Variants in POGLUT1 observed in about 807,000 individuals in gnomAD.
POGLUT1 encodes protein O-glucosyltransferase 1, also known as 9630046K23Rik.
A neutral mutation model predicts 61.3 loss-of-function variants in POGLUT1; 32 were observed. That is an observed-to-expected ratio of 0.52 (90% CI 0.39 to 0.70). The LOEUF (loss-of-function observed/expected upper bound fraction) is 0.70, where lower values mean the gene tolerates loss of function less well. POGLUT1 is among the 30% of genes least tolerant of loss of function. The pLI is 0.00. For missense variants in POGLUT1, 411 were observed against 469.8 expected (o/e 0.87, Z 1.16); for synonymous variants, 158 against 158.2 (o/e 1.00, Z 0.01).
intron 5 of POGLUT1, among the ~76,000 whole-genome samples, chr3:119,483,447 G>GC (rs1011947976): frequency 1.5e-4 from 23 of 152,186 alleles, no homozygotes; most frequent in African/African-American, 5.5e-4. Flanking sequence ...ATGACTCTGT[G>GC]CAAGTTGCTT....
chr3:119,485,090 G>A (rs572458588), intron 5 of POGLUT1, among the ~76,000 whole-genome samples: 23 of 152,180 alleles, frequency 1.5e-4, no homozygotes, highest in Admixed American at 3.9e-4. Flanking sequence ...GGTGGCGGGC[G>A]CCTGTGGTCC....
At chr3:119,490,195 A>G (rs1052105870) in intron 8 of POGLUT1, 2 of 190,674 alleles carry the variant, frequency 1.0e-5, no homozygotes, top group Non-Finnish European at 2.2e-5. Flanking sequence ...TATGTTTACC[A>G]TTGAACATTT....
At chr3:119,483,097 T>TTAGATAGTTTGA (rs770772453) in intron 5 of POGLUT1, among the ~76,000 whole-genome samples, 4 of 152,222 alleles carry the variant, frequency 2.6e-5, no homozygotes, top group Non-Finnish European at 5.9e-5. Flanking sequence ...ACATGTTTTG[T>TTAGATAGTTTGA]TAGATAGTTT....
At chr3:119,490,923 C>T (rs2081736737) in intron 9 of POGLUT1, among the ~76,000 whole-genome samples, 1 of 152,034 alleles carries the variant, frequency 6.6e-6, no homozygotes, top group Non-Finnish European at 1.5e-5. Flanking sequence ...TGAAAAAGCG[C>T]TTTAATACTG....
intron 3 of POGLUT1, among the ~76,000 whole-genome samples, chr3:119,476,284 A>G (rs1346873573): frequency 2.0e-5 from 3 of 152,194 alleles, no homozygotes; most frequent in African/African-American, 7.2e-5. Flanking sequence ...ACCCTTACCA[A>G]CACTGCACTA....
At chr3:119,476,602 T>C (rs1052621438) in intron 3 of POGLUT1, among the ~76,000 whole-genome samples, 1 of 152,182 alleles carries the variant, frequency 6.6e-6, no homozygotes, top group Non-Finnish European at 1.5e-5. Context: ...AAAATTTTGA[T>C]CAAGCCTTTG....
intron 6 of POGLUT1, 102 bp from the exon 7 acceptor site, chr3:119,486,731 C>A: frequency 1.3e-6 from 1 of 798,092 alleles, no homozygotes; most frequent in Non-Finnish European, 2.2e-6. Context: ...TCCACTTGTG[C>A]AGAGTCATTG....
chr3:119,470,797 T>C (rs77203260), intron 2 of POGLUT1, among the ~76,000 whole-genome samples: 2,224 of 152,350 alleles, frequency 0.015, 58 homozygotes, highest in African/African-American at 0.052. Flanking sequence ...TGGATGCTTA[T>C]GATACTTATT....
At chr3:119,492,095 T>C (rs1260989100) in intron 10 of POGLUT1, among the ~76,000 whole-genome samples, 187 bp from the exon 11 acceptor site, 1 of 142,852 alleles carries the variant, frequency 7.0e-6, no homozygotes, top group Non-Finnish European at 1.5e-5. Flanking sequence ...GGAAAAAGAT[T>C]GTTAAGTTGT....
At position 119,480,167 on chromosome 3, in the gene POGLUT1, G is replaced by C; in HGVS notation, c.573G>C (p.Leu191=). ...LGRWDLFRED[L]VRSAAQWPWK... Reference sequence around the variant, plus strand: ...GGTGGGACCTCTTCAGAGAAGATCTGGTAAGGTAGGTCCTTTAAAGAGGTT... The same window carrying C: ...GGTGGGACCTCTTCAGAGAAGATCTCGTAAGGTAGGTCCTTTAAAGAGGTT... The change falls in exon 5 of 11, where the codon CTG becomes CTC. Residue 191 remains leucine, a synonymous_variant. Coordinates refer to ENST00000295588, the MANE Select transcript of POGLUT1 (RefSeq NM_152305.3). 1 of 1,569,576 alleles carries C rather than the reference G, an allele frequency of 6.4e-7. No individual in the cohort carries two copies.
Position 119,492,552 on chromosome 3 carries a change from T to G in POGLUT1, c.*114T>G. 1.7e-6 allele frequency: 1 copy of G among 596,690 alleles called. No individual in the cohort carries two copies. Among genetic ancestry groups the G allele is most frequent in the Non-Finnish European group, 2.8e-6 (1 of 359,326 alleles). 37.0% of individuals were successfully genotyped at this position (596,690 alleles called of 1,614,324 possible). A position where few individuals can be genotyped will look rare whatever the true frequency, so the allele number is the denominator to read the frequency against. Reference sequence around the variant, plus strand: ...CTTGAATATCTGCTATCAAGCCAAATACCTGGTTTTCCTTATCATGCTGCA... The same window carrying G: ...CTTGAATATCTGCTATCAAGCCAAAGACCTGGTTTTCCTTATCATGCTGCA... On this transcript the variant is annotated 3_prime_UTR_variant, in exon 11 of 11. Transcript: ENST00000295588.
rs1244087462 is a variant in POGLUT1 at position 119,469,879 on chromosome 3, T to A, written c.145T>A (p.Cys49Ser). 1 of 1,608,164 alleles carries A rather than the reference T, an allele frequency of 6.2e-7. No individual in the cohort carries two copies. The highest frequency in any genetic ancestry group is 1.3e-5 in the African/African-American group (1 of 74,842). Residue 49 changes from cysteine (C) to serine (S), a missense_variant, in exon 2 of 11, where the codon TGT becomes AGT. Physicochemically the swap from Cys to Ser is moderately radical, Grantham distance 112 (BLOSUM62 -1). Coordinates refer to ENST00000295588, the MANE Select transcript of POGLUT1 (RefSeq NM_152305.3). ...INRSLENYEP[C>S]SSQNCSCYHG... is the part of the protein sequence containing the mutation. Reference sequence around the variant, plus strand: ...CAGGTCTTTGGAGAATTACGAACCATGTTCAAGTCAAAACTGCAGCTGCTA... The same window carrying A: ...CAGGTCTTTGGAGAATTACGAACCAAGTTCAAGTCAAAACTGCAGCTGCTA...
chr3:119,489,060 C>T (rs1315442149), intron 8 of POGLUT1, 73 bp downstream of exon 8: 1 of 817,196 alleles, frequency 1.2e-6, no homozygotes. Context: ...TGGGTGAGAA[C>T]TTTAATATAA....
At chr3:119,487,964 T>C (rs1412746910) in intron 7 of POGLUT1, 3 of 152,240 alleles carry the variant, frequency 2.0e-5, no homozygotes, top group Non-Finnish European at 2.9e-5. Context: ...TACAGTCCAC[T>C]CTCTCCTCTT....
chr3:119,471,624 T>G, intron 3 of POGLUT1, 172 bp downstream of exon 3: 1 of 615,616 alleles, frequency 1.6e-6, no homozygotes. Flanking sequence ...TCTTGCGAGC[T>G]CCTCTCAAAG....
intron 9 of POGLUT1, among the ~76,000 whole-genome samples, chr3:119,491,030 G>A (rs1196704692): frequency 6.6e-6 from 1 of 151,742 alleles, no homozygotes; most frequent in African/African-American, 2.4e-5. Flanking sequence ...TTGTCAAAAG[G>A]ATTTTCAGAT....
intron 6 of POGLUT1, among the ~76,000 whole-genome samples, chr3:119,485,829 G>T (rs1393413771): frequency 6.6e-6 from 1 of 152,204 alleles, no homozygotes; most frequent in African/African-American, 2.4e-5. Context: ...AGCACAGACT[G>T]AGACTGCTGA....
At chr3:119,485,487 C>T (rs1006601577) in intron 6 of POGLUT1, 100 bp downstream of exon 6, 56 of 659,336 alleles carry the variant, frequency 8.5e-5, no homozygotes, top group Non-Finnish European at 8.1e-5. Context: ...AAAGGGAAAG[C>T]TAAGATAACA....
chr3:119,480,614 T>G (rs890346610), intron 5 of POGLUT1, among the ~76,000 whole-genome samples: 8 of 152,118 alleles, frequency 5.3e-5, no homozygotes, highest in Non-Finnish European at 8.8e-5. Flanking sequence ...TGTAAACAAT[T>G]TTGTACGTGT....
Sources: gnomAD v4.1 joint callset for allele counts (sites outside exome capture counted in the v4.1 genomes callset) on GRCh38, gnomAD v4.1.1 for gene constraint, MANE v1.5 for transcripts, NCBI Gene and HGNC (gene_info 2026-07-23, HGNC 2026-07-21) for gene names.